The following COL19A1 variants were observed in gnomAD, a reference collection of about 807,000 sequenced individuals.
COL19A1 encodes the protein collagen type XIX alpha 1 chain.
A neutral mutation model predicts 190.2 loss-of-function variants in COL19A1; 159 were observed. The observed-to-expected ratio is 0.84, with a 90% CI of 0.73 to 0.95. COL19A1 has a LOEUF of 0.95. Ranked by LOEUF, COL19A1 falls within the 40% of genes least tolerant of loss-of-function variation. COL19A1 has a pLI of 0.00. For missense variants in COL19A1, 1,418 were observed against 1,431.9 expected, an observed-to-expected ratio of 0.99 and a Z score of 0.16; for synonymous variants, 509 against 458.9, an observed-to-expected ratio of 1.11 and a Z score of -1.39.
At chr6:70,105,369 G>A (rs887862023) in intron 16 of COL19A1, among the ~76,000 whole-genome samples, 1 of 151,968 alleles carries the variant, frequency 6.6e-6, no homozygotes, top group Non-Finnish European at 1.5e-5. Context: ...TGTTGGCCAG[G>A]ATGGTCTCGA....
intron 9 of COL19A1, among the ~76,000 whole-genome samples, chr6:69,955,882 C>T (rs1774393407): frequency 6.6e-6 from 1 of 151,900 alleles, no homozygotes; most frequent in Non-Finnish European, 1.5e-5. Flanking sequence ...AATTTGGGTT[C>T]AGAAAGCATT....
In COL19A1 at chr6:70,145,005, C is replaced by T; in HGVS notation, c.1768C>T (p.Pro590Ser). 6.3e-7 allele frequency: 1 copy of T among 1,579,068 alleles called. No homozygotes were observed. The highest frequency in any genetic ancestry group is 8.6e-7 in the Non-Finnish European group (1 of 1,160,770). The change falls in exon 25 of 51, where the codon CCA becomes TCA. Residue 590 changes from proline to serine, a missense_variant and splice_region_variant. Coordinates refer to ENST00000620364, the MANE Select transcript of COL19A1 (RefSeq NM_001858.6). ...TCCAGGGAAAAGCCTGCCAGGGGAA[C>T]CAGTAAGTATTAGCCCTTTTGTTAA... The part of the protein sequence containing the change: ...GPPGKSLPGE[P>S]GLDGNPGAPG...
intron 16 of COL19A1, among the ~76,000 whole-genome samples, chr6:70,114,466 C>T (rs1784453608): frequency 6.6e-6 from 1 of 152,188 alleles, no homozygotes; most frequent in African/African-American, 2.4e-5. Flanking sequence ...AACACCACCT[C>T]ACTGGGCTGC....
At chr6:70,046,958 T>A (rs1412303842) in intron 14 of COL19A1, among the ~76,000 whole-genome samples, 1 of 152,156 alleles carries the variant, frequency 6.6e-6, no homozygotes, top group Non-Finnish European at 1.5e-5. Context: ...TTCATATATA[T>A]GTACCAACTT....
chr6:70,149,825 CTG>C (rs1465737501), intron 28 of COL19A1, 24 bp from the exon 29 acceptor site: 5 of 1,613,494 alleles, frequency 3.1e-6, no homozygotes, highest in Admixed American at 1.7e-5. Context: ...TCATAAGTAA[CTG>C]TTTTTATTTC....
intron 9 of COL19A1, among the ~76,000 whole-genome samples, chr6:69,943,119 G>A (rs1048623988): frequency 1.3e-5 from 2 of 151,950 alleles, no homozygotes; most frequent in African/African-American, 4.8e-5. Context: ...ATCTCATTTT[G>A]ATTCCAATTT....
intron 42 of COL19A1, among the ~76,000 whole-genome samples, chr6:70,177,517 C>T (rs552768003): frequency 2.0e-5 from 3 of 152,192 alleles, no homozygotes; most frequent in Non-Finnish European, 4.4e-5. Flanking sequence ...CTGCATCCTT[C>T]GTAGATGATG....
intron 2 of COL19A1, among the ~76,000 whole-genome samples, chr6:69,894,616 A>G (rs1340565477): frequency 4.6e-5 from 7 of 152,224 alleles, no homozygotes; most frequent in African/African-American, 4.8e-5. Flanking sequence ...AGACATGCAG[A>G]AGAAAACCCA....
chr6:69,977,405 G>A (rs1434930510), intron 11 of COL19A1, among the ~76,000 whole-genome samples: 4 of 118,552 alleles, frequency 3.4e-5, no homozygotes, highest in African/African-American at 1.3e-4. Flanking sequence ...ACACACCCGG[G>A]ACTGTTGTGG....
At chr6:69,945,567 A>G (rs758390619) in intron 9 of COL19A1, among the ~76,000 whole-genome samples, 1 of 152,100 alleles carries the variant, frequency 6.6e-6, no homozygotes. Context: ...GTAGGATTTA[A>G]TATTATTCTT....
chr6:70,202,102 G>A (rs1055297878), intron 49 of COL19A1, among the ~76,000 whole-genome samples: 1 of 152,148 alleles, frequency 6.6e-6, no homozygotes, highest in South Asian at 2.1e-4. Flanking sequence ...TAATGACACA[G>A]CATGACTGAG....
chr6:69,871,855 C>T (rs1689343720), intron 1 of COL19A1, among the ~76,000 whole-genome samples: 1 of 145,210 alleles, frequency 6.9e-6, no homozygotes, highest in Non-Finnish European at 1.5e-5. Context: ...TGCTCTGTCG[C>T]CCAGGCTGGA....
chr6:69,878,520 ATAT>A (rs1194245301), intron 1 of COL19A1, among the ~76,000 whole-genome samples: 1 of 152,098 alleles, frequency 6.6e-6, no homozygotes, highest in Non-Finnish European at 1.5e-5. Flanking sequence ...GCCTATATAT[ATAT>A]TTTTTAAAAG....
At chr6:70,124,492 G>A (rs1258699403) in intron 17 of COL19A1, among the ~76,000 whole-genome samples, 2 of 151,068 alleles carry the variant, frequency 1.3e-5, no homozygotes, top group African/African-American at 4.9e-5. Context: ...AAGATATATG[G>A]AGCATTTATA....
chr6:70,062,899 G>A (rs1474876571), intron 14 of COL19A1, among the ~76,000 whole-genome samples: 1 of 151,912 alleles, frequency 6.6e-6, no homozygotes. Flanking sequence ...ATTACATAAT[G>A]GTAAAGGGAT....
intron 4 of COL19A1, among the ~76,000 whole-genome samples, chr6:69,908,118 AAGGGACTATTTTG>A (rs1411706213): frequency 6.6e-6 from 1 of 152,204 alleles, no homozygotes; most frequent in Non-Finnish European, 1.5e-5. Context: ...CTTGCCTCTT[AAGGGACTATTTTG>A]AGGGACTATT....
Position 70,174,339 on chromosome 6 carries a change from G to A in COL19A1, c.2623-2181G>A, listed in dbSNP as rs777009241. 5.3e-5 allele frequency among the ~76,000 whole-genome samples: 8 copies of A among 152,110 alleles called. No individual in the cohort carries two copies. The South Asian group carries it at 1.4e-3, about 28-fold the overall frequency. ...TCCCAGCACTTTGGGAGGCCAAGGCGGGCAGATCACCTGAGGTCAGGAGTT... is the reference window on the plus strand; with the variant it reads ...TCCCAGCACTTTGGGAGGCCAAGGCAGGCAGATCACCTGAGGTCAGGAGTT... On this transcript the variant is annotated intron_variant, in intron 41 of 50. Transcript: ENST00000620364.
In COL19A1 at chr6:70,207,245, C is replaced by T; in HGVS notation, c.3400C>T (p.His1134Tyr). The T allele has an allele frequency of 6.2e-7, 1 of 1,613,870 alleles. No homozygotes were observed. Among genetic ancestry groups the T allele is most frequent in the Non-Finnish European group, 8.5e-7 (1 of 1,179,874 alleles). The change falls in exon 51 of 51, where the codon CAT (histidine) becomes TAT (tyrosine). Residue 1134 changes from histidine (H) to tyrosine (Y), a missense_variant. Physicochemically the swap from His to Tyr is moderately conservative, Grantham distance 83 (BLOSUM62 2). Transcript: ENST00000620364. ...NPEDCLYPVS[H>Y]AHQRTGGN ...AGAAGATTGCCTCTATCCTGTGTCT[C>T]ATGCCCATCAGCGCACAGGTGGGAA...
chr6:69,939,570 C>T (rs1016019547), intron 9 of COL19A1, among the ~76,000 whole-genome samples: 2 of 152,112 alleles, frequency 1.3e-5, no homozygotes, highest in African/African-American at 4.8e-5. Flanking sequence ...GTTCTAAAAG[C>T]AATTCAGTAT....
Sources: allele counts gnomAD v4.1 joint callset (sites outside exome capture counted in the v4.1 genomes callset), GRCh38; gene constraint gnomAD v4.1.1; transcripts MANE v1.5; gene names NCBI Gene and HGNC (gene_info 2026-07-23, HGNC 2026-07-21).